Variants in LGSN observed in about 807,000 individuals in gnomAD.
LGSN encodes the protein lengsin, lens protein with glutamine synthetase domain, also known as lengsin.
Under a neutral mutation model 19.5 loss-of-function variants are expected in LGSN, and 21 were observed. The observed-to-expected ratio is 1.07, with a 90% CI of 0.76 to 1.55. The LOEUF is 1.55. Among genes scored for constraint, LGSN ranks in the 40% most tolerant of loss-of-function variants. The pLI, the probability that LGSN is intolerant of heterozygous loss-of-function variation, is 0.00. For synonymous variants in LGSN, 257 were observed against 215.6 expected (o/e 1.19, Z -1.68); for missense variants, 673 against 608.5 (o/e 1.11, Z -1.12).
chr6:63,538,299 A>G, the LGSN span, among the ~76,000 whole-genome samples: 183 of 152,338 alleles, frequency 1.2e-3, 3 homozygotes, highest in African/African-American at 4.3e-3. Context: ...TAGCAACAAG[A>G]TTTCAAAAAA....
the LGSN span, among the ~76,000 whole-genome samples, chr6:63,400,921 G>C: frequency 6.6e-6 from 1 of 152,182 alleles, no homozygotes; most frequent in Non-Finnish European, 1.5e-5. Context: ...TTGAACCCAG[G>C]AGGTGGAGGT....
the LGSN span, among the ~76,000 whole-genome samples, chr6:63,460,655 G>A: frequency 6.6e-6 from 1 of 152,028 alleles, no homozygotes; most frequent in African/African-American, 2.4e-5. Flanking sequence ...TATTACTTAA[G>A]TGAAAACTAT....
chr6:63,399,659 G>C, the LGSN span, among the ~76,000 whole-genome samples: 3 of 151,372 alleles, frequency 2.0e-5, no homozygotes, highest in Non-Finnish European at 4.4e-5. Flanking sequence ...GCCTCCCAAA[G>C]TGCTGGGATT....
At chr6:63,498,645 A>G in the LGSN span, among the ~76,000 whole-genome samples, 1 of 152,148 alleles carries the variant, frequency 6.6e-6, no homozygotes, top group Non-Finnish European at 1.5e-5. Context: ...AGTGGACACA[A>G]TGCTTGAACA....
At chr6:63,466,584 G>GA in the LGSN span, among the ~76,000 whole-genome samples, 3 of 152,200 alleles carry the variant, frequency 2.0e-5, no homozygotes, top group African/African-American at 7.2e-5. Context: ...TTGTGGTAAG[G>GA]AAAATGTTAA....
upstream of LGSN, among the ~76,000 whole-genome samples, chr6:63,322,565 C>G (rs991774607): frequency 2.0e-4 from 31 of 152,088 alleles, no homozygotes; most frequent in African/African-American, 7.5e-4. Context: ...ACATACCTAA[C>G]AGGAAGACTA....
At chr6:63,456,659 G>C in the LGSN span, among the ~76,000 whole-genome samples, 2 of 151,952 alleles carry the variant, frequency 1.3e-5, no homozygotes, top group African/African-American at 2.4e-5. Flanking sequence ...TCCTCATTCT[G>C]CAGCAGCTCC....
chr6:63,541,254 A>C, the LGSN span, among the ~76,000 whole-genome samples: 1 of 152,094 alleles, frequency 6.6e-6, no homozygotes, highest in African/African-American at 2.4e-5. Flanking sequence ...CCTCCCTCTT[A>C]GCCAGGTATC....
chr6:63,360,765 T>A, the LGSN span, among the ~76,000 whole-genome samples: 10 of 152,222 alleles, frequency 6.6e-5, no homozygotes, highest in East Asian at 1.7e-3. Context: ...TCTGCTCTGT[T>A]TTTTTCCCCA....
the LGSN span, among the ~76,000 whole-genome samples, chr6:63,448,239 C>A: frequency 4.6e-5 from 7 of 151,862 alleles, no homozygotes; most frequent in Non-Finnish European, 8.8e-5. Flanking sequence ...TTTTGTGATA[C>A]GAGGAAAATA....
the LGSN span, among the ~76,000 whole-genome samples, chr6:63,531,407 C>A: frequency 2.1e-5 from 3 of 144,166 alleles, no homozygotes; most frequent in African/African-American, 5.3e-5. Flanking sequence ...AAAGAAAAAA[C>A]ATAACAAATT....
the LGSN span, among the ~76,000 whole-genome samples, chr6:63,484,624 CA>C: frequency 0.54 from 81,497 of 152,032 alleles, 23,675 homozygotes; most frequent in African/African-American, 0.77. Context: ...GAGAGCTTTA[CA>C]AGAGTGCTTT....
At chr6:63,311,760 A>G (rs1211976386) in intron 1 of LGSN, among the ~76,000 whole-genome samples, 1 of 152,150 alleles carries the variant, frequency 6.6e-6, no homozygotes, top group Non-Finnish European at 1.5e-5. Context: ...TATAATACAC[A>G]TTTTCCATGA....
At chr6:63,465,212 C>T in the LGSN span, among the ~76,000 whole-genome samples, 2 of 151,962 alleles carry the variant, frequency 1.3e-5, no homozygotes, top group African/African-American at 2.4e-5. Flanking sequence ...TGGAGTTTCG[C>T]TCTTGTTGCC....
the LGSN span, among the ~76,000 whole-genome samples, chr6:63,418,904 T>TAGACTTCCCTCTTCAC: frequency 9.7e-3 from 1,475 of 151,920 alleles, 11 homozygotes; most frequent in Non-Finnish European, 0.012. Flanking sequence ...CAAAGAAAAC[T>TAGACTTCCCTCTTCAC]AGACTTCCCT....
At chr6:63,559,163 GT>G in the LGSN span, among the ~76,000 whole-genome samples, 2 of 152,100 alleles carry the variant, frequency 1.3e-5, no homozygotes, top group African/African-American at 4.8e-5. Context: ...ACCAAAATCA[GT>G]TCATATTTAC....
the LGSN span, among the ~76,000 whole-genome samples, chr6:63,510,494 A>ACTTCAAGTGTT: frequency 7.0e-6 from 1 of 142,976 alleles, no homozygotes; most frequent in Admixed American, 7.1e-5. Flanking sequence ...ACTTCAAGTC[A>ACTTCAAGTGTT]TAACTCCTCA....
At chr6:63,545,992 C>T in the LGSN span, among the ~76,000 whole-genome samples, 3 of 152,096 alleles carry the variant, frequency 2.0e-5, no homozygotes. Flanking sequence ...AAAAATAGAA[C>T]TATTATATGA....
the LGSN span, among the ~76,000 whole-genome samples, chr6:63,456,523 ATCT>A: frequency 1.3e-5 from 2 of 150,804 alleles, no homozygotes; most frequent in African/African-American, 4.9e-5. Context: ...CACACAAACG[ATCT>A]TCTTGTTTGC....
Sources: allele counts gnomAD v4.1 joint callset (sites outside exome capture counted in the v4.1 genomes callset), GRCh38; gene constraint gnomAD v4.1.1; transcripts MANE v1.5; gene names NCBI Gene and HGNC (gene_info 2026-07-23, HGNC 2026-07-21).